MARCHF1: variants seen among roughly 807,000 people sequenced by gnomAD.
MARCHF1 encodes E3 ubiquitin-protein ligase MARCHF1.
In MARCHF1, 40 loss-of-function variants were observed where a neutral mutation model predicts 54.2. The observed-to-expected ratio is 0.74, with a 90% CI of 0.57 to 0.96. The LOEUF is 0.96. Ranked by LOEUF, MARCHF1 falls within the 40% of genes least tolerant of loss-of-function variation. The probability of loss-of-function intolerance (pLI) is 0.00; values close to 1 mark genes in which losing one functional copy is unlikely to be tolerated. For missense variants in MARCHF1, 586 were observed against 656.5 expected (o/e 0.89, Z 1.17); for synonymous variants, 236 against 236.3 (o/e 1.00, Z 0.01).
rs200441416 is a variant in MARCHF1, at chr4:164,044,586, C to T, written c.-247-55877G>A. Among the ~76,000 whole-genome samples the T allele has an allele frequency of 3.3e-5, 5 of 152,110 alleles. No homozygotes were observed. In the East Asian group the frequency reaches 9.7e-4, roughly 29 times the overall value. ...TATCAATATCATAATTAAAATAAATCATTCAAGGAAAGGAGAAGTTTGACT... is the reference window on the plus strand; with the variant it reads ...TATCAATATCATAATTAAAATAAATTATTCAAGGAAAGGAGAAGTTTGACT... On this transcript the variant is annotated intron_variant, in intron 2 of 9. Coordinates refer to ENST00000514618, the MANE Select transcript of MARCHF1 (RefSeq NM_001394959.1).
chr4:163,854,065 C>T lies in MARCHF1; in HGVS notation c.67G>A (p.Glu23Lys), dbSNP rs772117721. 22 of 1,536,762 alleles carry T rather than the reference C, an allele frequency of 1.4e-5. No individual in the cohort carries two copies. Among genetic ancestry groups the T allele is most frequent in the South Asian group, 3.6e-5 (3 of 84,056 alleles). Reference protein sequence around the residue: ...HRIPNNTRTPEISGDLADASQ... With the variant: ...HRIPNNTRTPKISGDLADASQ... ...GCGTCAGCCAAATCCCCTGAGATCT[C>T]GGGTGTTCGCGTGTTGTTTGGAATT... Residue 23 changes from glutamate (E) to lysine (K), a missense_variant, in exon 4 of 10, where the codon GAG (glutamate) becomes AAG (lysine). Coordinates refer to ENST00000514618, the MANE Select transcript of MARCHF1 (RefSeq NM_001394959.1).
At chr4:163,906,894 G>C (rs1043720805) in intron 3 of MARCHF1, among the ~76,000 whole-genome samples, 1 of 151,612 alleles carries the variant, frequency 6.6e-6, no homozygotes, top group Non-Finnish European at 1.5e-5. Flanking sequence ...ATGCTTTTGA[G>C]ATTCATTGAA....
At chr4:163,722,831 A>T (rs1212495532) in intron 4 of MARCHF1, among the ~76,000 whole-genome samples, 2 of 152,142 alleles carry the variant, frequency 1.3e-5, no homozygotes, top group Non-Finnish European at 2.9e-5. Flanking sequence ...GTTTTATCAG[A>T]GACTAGGATT....
chr4:164,123,196 A>G (rs958126515), intron 1 of MARCHF1, among the ~76,000 whole-genome samples: 2 of 152,098 alleles, frequency 1.3e-5, no homozygotes, highest in African/African-American at 4.8e-5. Context: ...AATTTTAAAA[A>G]GTAATCCAAT....
chr4:163,647,238 A>C (rs1190101077), intron 5 of MARCHF1, among the ~76,000 whole-genome samples: 1 of 152,102 alleles, frequency 6.6e-6, no homozygotes, highest in East Asian at 1.9e-4. Context: ...ATATATGCAC[A>C]GTATTGAAGC....
intron 2 of MARCHF1, among the ~76,000 whole-genome samples, chr4:164,057,794 T>C (rs1361920006): frequency 6.6e-6 from 1 of 152,178 alleles, no homozygotes; most frequent in Non-Finnish European, 1.5e-5. Flanking sequence ...TAAGGCACCA[T>C]AATTTTTGTT....
intron 1 of MARCHF1, among the ~76,000 whole-genome samples, chr4:164,118,877 C>A (rs1755996784): frequency 6.7e-6 from 1 of 148,846 alleles, no homozygotes; most frequent in Non-Finnish European, 1.5e-5. Context: ...TTATAAGTAT[C>A]CAAATAATAT....
chr4:163,988,875 T>C (rs1167044706), intron 2 of MARCHF1, 166 bp from the exon 3 acceptor site: 1 of 152,190 alleles, frequency 6.6e-6, no homozygotes, highest in Non-Finnish European at 1.5e-5. Flanking sequence ...AAGTCATAAT[T>C]GAACTGCTTT....
chr4:163,865,491 C>T (rs778093428), intron 3 of MARCHF1, among the ~76,000 whole-genome samples: 2 of 151,664 alleles, frequency 1.3e-5, no homozygotes, highest in African/African-American at 2.4e-5. Context: ...TTTGCATAAA[C>T]ATTTCTAAAA....
chr4:164,003,793 A>G (rs1042651271), intron 2 of MARCHF1, among the ~76,000 whole-genome samples: 3 of 152,104 alleles, frequency 2.0e-5, no homozygotes, highest in African/African-American at 7.2e-5. Context: ...TAGGTATACA[A>G]TGAAAGGAAT....
intron 5 of MARCHF1, among the ~76,000 whole-genome samples, chr4:163,657,048 C>G (rs1743174092): frequency 6.6e-6 from 1 of 152,070 alleles, no homozygotes; most frequent in African/African-American, 2.4e-5. Context: ...ATTGGAAGTT[C>G]TAGCCAGGGC....
intron 3 of MARCHF1, among the ~76,000 whole-genome samples, chr4:163,980,723 G>A (rs1045833530): frequency 6.6e-6 from 1 of 152,182 alleles, no homozygotes; most frequent in Non-Finnish European, 1.5e-5. Context: ...AACTGTAGTA[G>A]TAGTTTCACA....
chr4:164,224,124 A>G (rs972264076), intron 1 of MARCHF1, among the ~76,000 whole-genome samples: 2 of 151,452 alleles, frequency 1.3e-5, no homozygotes, highest in East Asian at 3.9e-4. Context: ...ACAGCTTTGA[A>G]TGAGGTCCAA....
At chr4:164,079,413 G>A (rs1335147855) in intron 2 of MARCHF1, among the ~76,000 whole-genome samples, 1 of 151,974 alleles carries the variant, frequency 6.6e-6, no homozygotes, top group Non-Finnish European at 1.5e-5. Flanking sequence ...ACAAACAATT[G>A]GCCAAATCGA....
At chr4:163,728,188 A>C (rs191050026) in intron 4 of MARCHF1, among the ~76,000 whole-genome samples, 48 of 152,262 alleles carry the variant, frequency 3.2e-4, no homozygotes, top group African/African-American at 1.1e-3. Context: ...ACCATGTTGC[A>C]CAGGTTGTGC....
chr4:163,859,685 T>A (rs186575888), intron 3 of MARCHF1, among the ~76,000 whole-genome samples: 23 of 151,948 alleles, frequency 1.5e-4, no homozygotes, highest in Admixed American at 1.3e-3. Flanking sequence ...GAAAAGAGAG[T>A]ACTGGTAGCA....
intron 3 of MARCHF1, among the ~76,000 whole-genome samples, chr4:163,923,335 A>T (rs1044614938): frequency 1.3e-5 from 2 of 152,086 alleles, no homozygotes; most frequent in Non-Finnish European, 2.9e-5. Flanking sequence ...GAGTATCACC[A>T]CCTTCTTTTT....
At chr4:163,891,620 TCCCATCATAGA>T (rs758992830) in intron 3 of MARCHF1, among the ~76,000 whole-genome samples, 13 of 152,148 alleles carry the variant, frequency 8.5e-5, no homozygotes, top group Non-Finnish European at 1.8e-4. Context: ...TCTGATGCAT[TCCCATCATAGA>T]CTTCACTGTG....
At chr4:163,745,270 C>T (rs1236449124) in intron 4 of MARCHF1, among the ~76,000 whole-genome samples, 1 of 151,990 alleles carries the variant, frequency 6.6e-6, no homozygotes, top group Non-Finnish European at 1.5e-5. Context: ...CACCACCACA[C>T]CTGGCTATTT....
Sources: gnomAD v4.1 joint callset for allele counts (sites outside exome capture counted in the v4.1 genomes callset) on GRCh38, gnomAD v4.1.1 for gene constraint, MANE v1.5 for transcripts, NCBI Gene and HGNC (gene_info 2026-07-23, HGNC 2026-07-21) for gene names.